The following GPATCH2L variants were observed in gnomAD, a reference collection of about 807,000 sequenced individuals.
GPATCH2L encodes G-patch domain containing 2 like.
GPATCH2L carries 31 observed loss-of-function variants against 57.4 expected under a neutral mutation model. That is an observed-to-expected ratio of 0.54 (90% CI 0.41 to 0.73). GPATCH2L has a LOEUF of 0.73. Among genes scored for constraint, GPATCH2L ranks in the 30% least tolerant of loss-of-function variants. GPATCH2L has a pLI of 0.00. For missense variants in GPATCH2L, 481 were observed against 599.9 expected, an observed-to-expected ratio of 0.80 and a Z score of 2.07; for synonymous variants, 199 against 210.7, an observed-to-expected ratio of 0.94 and a Z score of 0.48.
rs531191014 is a variant in GPATCH2L, at chr14:76,176,559, A to G, written c.985-64A>G. ...GCTGGCACAGTTATGGGAAAGATTG[A>G]TATTGTACTTTATATGTTTGTTTCT... On this transcript the variant is annotated intron_variant, in intron 5 of 9. Coordinates refer to ENST00000261530, the MANE Select transcript of GPATCH2L (RefSeq NM_017926.4). 4 of 1,118,298 alleles carry G rather than the reference A, an allele frequency of 3.6e-6. No homozygotes were observed. The African/African-American group carries it at 6.1e-5, about 17-fold the overall frequency. The allele number at this position is 1,118,298 out of a possible 1,614,324, so 69.3% of individuals were successfully genotyped here.
intron 2 of GPATCH2L, among the ~76,000 whole-genome samples, chr14:76,165,593 A>T (rs1042799771): frequency 1.3e-5 from 2 of 152,146 alleles, no homozygotes; most frequent in African/African-American, 4.8e-5. Context: ...AACTTAAAAA[A>T]AAAAAAGAAA....
At chr14:76,215,086 GAAT>G (rs1052662461), downstream of GPATCH2L, among the ~76,000 whole-genome samples, 3 of 151,646 alleles carry the variant, frequency 2.0e-5, no homozygotes, top group Admixed American at 1.3e-4. Flanking sequence ...TAAACACCCA[GAAT>G]AATAATAAGA....
At chr14:76,170,875 A>G (rs1351486867) in intron 3 of GPATCH2L, 1 of 152,112 alleles carries the variant, frequency 6.6e-6, no homozygotes, top group African/African-American at 2.4e-5. Flanking sequence ...TCCTGGCTTC[A>G]TTGTTTACTA....
In GPATCH2L at chr14:76,208,918, G is replaced by C. The variant is rs138603255; in HGVS notation, c.*7067G>C. 6 of 152,296 alleles carry C rather than the reference G, an allele frequency of 3.9e-5. No individual in the cohort carries two copies. Among genetic ancestry groups the C allele is most frequent in the African/African-American group, 1.4e-4 (6 of 41,550 alleles). The allele number at this position is 152,296 out of a possible 1,614,324, so 9.4% of individuals were successfully genotyped here. On this transcript the variant is annotated 3_prime_UTR_variant, in exon 10 of 10. Transcript: ENST00000261530. ...AATTCCTGGACTGGACCACAGACCA[G>C]TTAAATCAGCATGGGGAGGTGGGGA... is the stretch of plus-strand genomic sequence containing the variant.
At chr14:76,183,345 T>C (rs2039647189) in intron 8 of GPATCH2L, among the ~76,000 whole-genome samples, 1 of 152,240 alleles carries the variant, frequency 6.6e-6, no homozygotes, top group Non-Finnish European at 1.5e-5. Context: ...TGGACAATCA[T>C]GCATCGTCTT....
intron 8 of GPATCH2L, among the ~76,000 whole-genome samples, chr14:76,182,378 A>AG (rs2039599968): frequency 6.8e-6 from 1 of 148,086 alleles, no homozygotes; most frequent in South Asian, 2.1e-4. Flanking sequence ...AAAAAAAAAA[A>AG]AAAAAAGAAT....
intron 7 of GPATCH2L, among the ~76,000 whole-genome samples, chr14:76,180,370 C>A (rs886405089): frequency 6.6e-6 from 1 of 152,160 alleles, no homozygotes; most frequent in African/African-American, 2.4e-5. Flanking sequence ...TTCTTGGAAA[C>A]ATTTGCCAGG....
chr14:76,160,397 A>C (rs1219811901), intron 2 of GPATCH2L, among the ~76,000 whole-genome samples: 1 of 152,224 alleles, frequency 6.6e-6, no homozygotes, highest in Admixed American at 6.5e-5. Flanking sequence ...AAATCTTGGC[A>C]ATAGGCCATC....
At chr14:76,197,486 C>T (rs1311968756) in intron 9 of GPATCH2L, among the ~76,000 whole-genome samples, 3 of 152,076 alleles carry the variant, frequency 2.0e-5, no homozygotes, top group Non-Finnish European at 4.4e-5. Context: ...CCTCCTGAGC[C>T]CAGCTCCTTT....
intron 2 of GPATCH2L, among the ~76,000 whole-genome samples, chr14:76,155,833 GTGCATTGCAGAATATTTAGCATCTC>G (rs2038281641): frequency 6.6e-6 from 1 of 152,124 alleles, no homozygotes; most frequent in Admixed American, 6.5e-5. Flanking sequence ...ATTCTTTATG[GTGCATTGCAGAATATTTAGCATCTC>G]TGCATTATTC....
Position 76,154,503 on chromosome 14 carries a change from G to A in GPATCH2L, c.140G>A (p.Arg47His). Residue 47 changes from arginine to histidine, a missense_variant, in exon 2 of 10, where the codon CGT becomes CAT. Coordinates refer to ENST00000261530, the MANE Select transcript of GPATCH2L (RefSeq NM_017926.4). This position sits in a 1 kb window ranked among gnomAD's most constrained non-coding sequence, Gnocchi z 4.4. ...RQLRKRRGRK[R>H]RSDFTHLAEH... is the part of the protein sequence containing the mutation. ...CTTCGGAAACGCCGAGGTCGGAAGC[G>A]TCGTTCTGACTTCACTCACCTGGCA... 8 of 1,614,200 alleles carry A rather than the reference G, an allele frequency of 5.0e-6. No homozygotes were observed. The highest frequency in any genetic ancestry group is 6.8e-6 in the Non-Finnish European group (8 of 1,180,040).
chr14:76,192,829 T>A (rs1026243648), intron 8 of GPATCH2L, among the ~76,000 whole-genome samples: 2 of 152,210 alleles, frequency 1.3e-5, no homozygotes, highest in Non-Finnish European at 2.9e-5. Flanking sequence ...CCTTAGAAAG[T>A]CTTCAGTTCT....
At position 76,201,796 on chromosome 14, in the gene GPATCH2L, C is replaced by A; in HGVS notation, c.1394C>A (p.Ala465Glu). The change falls in exon 10 of 10, where the codon GCA becomes GAA. Residue 465 changes from alanine (A) to glutamate (E), a missense_variant. Physicochemically the swap from Ala to Glu is moderately radical, Grantham distance 107. Around this residue, in one of 3 missense-constraint regions of GPATCH2L, gnomAD observed 248 missense variants for 270.5 expected, o/e 0.92. Transcript: ENST00000261530. The stretch of plus-strand genomic sequence containing the variant: ...TCTGCAGCAGAGAAAGCCACAGACG[C>A]AACTACTGCTACATTTTTTAAAATG... ...RTSAAEKATD[A>E]TTATFFKMPQ... 6.2e-7 allele frequency: 1 copy of A among 1,614,092 alleles called. No individual in the cohort carries two copies. The highest frequency in any genetic ancestry group is 8.5e-7 in the Non-Finnish European group (1 of 1,179,988).
intron 9 of GPATCH2L, 128 bp from the exon 10 acceptor site, chr14:76,201,563 T>C: frequency 1.9e-6 from 1 of 525,650 alleles, no homozygotes; most frequent in Non-Finnish European, 3.2e-6. Flanking sequence ...ACGTGGCCAC[T>C]TGGGTTACTA....
At chr14:76,190,140 C>T (rs1288364689) in intron 8 of GPATCH2L, among the ~76,000 whole-genome samples, 1 of 151,736 alleles carries the variant, frequency 6.6e-6, no homozygotes, top group African/African-American at 2.4e-5. Flanking sequence ...AAGTACATTC[C>T]TGCCCCAAGG....
chr14:76,196,434 TCA>T (rs919515395), intron 9 of GPATCH2L: 2 of 183,274 alleles, frequency 1.1e-5, no homozygotes, highest in South Asian at 1.3e-4. Context: ...CTAAAACTTT[TCA>T]GTTTTTTTTT....
At chr14:76,214,795 C>T (rs912726788), downstream of GPATCH2L, among the ~76,000 whole-genome samples, 2 of 152,068 alleles carry the variant, frequency 1.3e-5, no homozygotes, top group African/African-American at 4.8e-5. Flanking sequence ...GTTTTGCAGC[C>T]AAAGGTCAGT....
rs536553796 is a variant in GPATCH2L at position 76,161,287 on chromosome 14, G to C, written c.663-5376G>C. ...TGTTAAGTGCATTATTATTTACTAAGAAAAGTTTTTTAGAATGACGATGTA... is the reference window on the plus strand; with the variant it reads ...TGTTAAGTGCATTATTATTTACTAACAAAAGTTTTTTAGAATGACGATGTA... On this transcript the variant is annotated intron_variant, in intron 2 of 9. Coordinates refer to ENST00000261530, the MANE Select transcript of GPATCH2L (RefSeq NM_017926.4). 3.3e-5 allele frequency among the ~76,000 whole-genome samples: 5 copies of C among 151,150 alleles called. No individual in the cohort carries two copies. The South Asian group carries it at 1.1e-3, about 32-fold the overall frequency.
In GPATCH2L at chr14:76,208,726, A is replaced by T. The variant is rs2040407849; in HGVS notation, c.*6875A>T. 1 of 152,364 alleles carries T rather than the reference A, an allele frequency of 6.6e-6. No homozygotes were observed. Among genetic ancestry groups the T allele is most frequent in the African/African-American group, 2.4e-5 (1 of 41,382 alleles). The allele number at this position is 152,364 out of a possible 1,614,324, so 9.4% of individuals were successfully genotyped here. On this transcript the variant is annotated 3_prime_UTR_variant, in exon 10 of 10. Coordinates refer to ENST00000261530, the MANE Select transcript of GPATCH2L (RefSeq NM_017926.4). ...CAGCTTTGCATTTAAACATGTTCAG[A>T]TACTCCTTCCTTCAAACAAAAGACC...
Sources: gnomAD v4.1 joint callset for allele counts (sites outside exome capture counted in the v4.1 genomes callset) on GRCh38, gnomAD v4.1.1 for gene constraint, gnomAD v4.1.1 regional missense constraint, Gnocchi (gnomAD v3.1) non-coding constraint, MANE v1.5 for transcripts, NCBI Gene and HGNC (gene_info 2026-07-23, HGNC 2026-07-21) for gene names.